The following DISP1 variants were observed in gnomAD, a reference collection of about 807,000 sequenced individuals.
DISP1 encodes the protein protein dispatched homolog 1.
A neutral mutation model predicts 37.3 loss-of-function variants in DISP1; 30 were observed. The ratio of observed to expected loss-of-function variants is 0.80; its 90% CI spans 0.60 to 1.09. The LOEUF (loss-of-function observed/expected upper bound fraction) is 1.09. Among genes scored for constraint, DISP1 ranks in the 50% least tolerant of loss-of-function variants. DISP1 has a pLI of 0.00. For synonymous variants in DISP1, 634 were observed against 690.2 expected, an observed-to-expected ratio of 0.92 and a Z score of 1.28; for missense variants, 1,598 against 1,879.5, an observed-to-expected ratio of 0.85 and a Z score of 2.77.
At chr1:222,849,287 C>T (rs1441578067) in intron 1 of DISP1, among the ~76,000 whole-genome samples, 2 of 152,144 alleles carry the variant, frequency 1.3e-5, no homozygotes, top group African/African-American at 2.4e-5. Context: ...AGAAACACAT[C>T]GTCAAGGGGC....
intron 4 of DISP1, chr1:222,989,453 G>C: frequency 4.1e-6 from 4 of 985,410 alleles, no homozygotes; most frequent in Non-Finnish European, 4.8e-6. Context: ...TCAAGACTTG[G>C]AAGTGCCAAA....
chr1:222,878,178 C>G (rs866353294), intron 1 of DISP1, among the ~76,000 whole-genome samples: 1 of 152,136 alleles, frequency 6.6e-6, no homozygotes, highest in African/African-American at 2.4e-5. Context: ...GGCATTGTTA[C>G]GGAGTCCTTG....
At chr1:222,885,952 T>C (rs980967117) in intron 1 of DISP1, among the ~76,000 whole-genome samples, 1 of 152,010 alleles carries the variant, frequency 6.6e-6, no homozygotes, top group Non-Finnish European at 1.5e-5. Flanking sequence ...ATGATAGAAT[T>C]AAATATAAAA....
At chr1:222,894,145 A>G (rs1015565728) in intron 1 of DISP1, among the ~76,000 whole-genome samples, 1 of 152,158 alleles carries the variant, frequency 6.6e-6, no homozygotes, top group African/African-American at 2.4e-5. Flanking sequence ...GGTTGGGCCC[A>G]GAAAAAGCTC....
intron 1 of DISP1, among the ~76,000 whole-genome samples, chr1:222,867,962 TA>T (rs1669290539): frequency 6.6e-6 from 1 of 152,292 alleles, no homozygotes; most frequent in South Asian, 2.1e-4. Context: ...AGGGGAATTT[TA>T]GCAGTGTCAG....
chr1:222,906,252 G>T (rs1671880895), intron 1 of DISP1, among the ~76,000 whole-genome samples: 1 of 152,136 alleles, frequency 6.6e-6, no homozygotes, highest in Non-Finnish European at 1.5e-5. Flanking sequence ...GACCAGGAAA[G>T]AAAATAAACA....
intron 1 of DISP1, among the ~76,000 whole-genome samples, chr1:222,881,095 G>C (rs1355723015): frequency 6.6e-6 from 1 of 152,094 alleles, no homozygotes; most frequent in Non-Finnish European, 1.5e-5. Flanking sequence ...TTTTAGAAAA[G>C]TGTTATATAT....
intron 1 of DISP1, chr1:222,827,164 G>A (rs149650811): frequency 6.6e-6 from 1 of 152,310 alleles, no homozygotes; most frequent in African/African-American, 2.4e-5. Flanking sequence ...TACCGGTAGA[G>A]ACAAACAGTT....
chr1:222,914,994 G>A (rs1297672862), intron 1 of DISP1, among the ~76,000 whole-genome samples: 4 of 151,984 alleles, frequency 2.6e-5, no homozygotes, highest in African/African-American at 9.6e-5. Flanking sequence ...AGGAAGGAAG[G>A]AAAGGGAAAA....
intron 3 of DISP1, among the ~76,000 whole-genome samples, chr1:222,955,075 T>C (rs548144150): frequency 6.7e-4 from 101 of 150,046 alleles, no homozygotes; most frequent in African/African-American, 2.4e-3. Context: ...TTCTGAATGC[T>C]GTGTAATCAT....
At chr1:222,886,010 A>T (rs765493083) in intron 1 of DISP1, among the ~76,000 whole-genome samples, 1 of 152,016 alleles carries the variant, frequency 6.6e-6, no homozygotes, top group Non-Finnish European at 1.5e-5. Flanking sequence ...TTTGAAAACT[A>T]CTTCATAGGG....
At chr1:222,837,125 A>G in intron 1 of DISP1, 1 of 398,400 alleles carries the variant, frequency 2.5e-6, no homozygotes, top group Middle Eastern at 6.3e-4. Flanking sequence ...AAAGGAAGAG[A>G]TGCGGGCAAC....
At chr1:222,978,181 G>A (rs34673329) in intron 3 of DISP1, among the ~76,000 whole-genome samples, 41,929 of 151,998 alleles carry the variant, frequency 0.28, 5,955 homozygotes, top group South Asian at 0.33. Flanking sequence ...TCTCCAGCAC[G>A]TGTTGTTTCC....
intron 1 of DISP1, among the ~76,000 whole-genome samples, chr1:222,865,321 A>T (rs1669122157): frequency 6.6e-6 from 1 of 152,144 alleles, no homozygotes; most frequent in African/African-American, 2.4e-5. Context: ...TATTATTAAG[A>T]CTTTTTCACA....
intron 1 of DISP1, among the ~76,000 whole-genome samples, chr1:222,887,119 T>G (rs1350740431): frequency 1.3e-5 from 2 of 152,242 alleles, no homozygotes; most frequent in African/African-American, 4.8e-5. Context: ...AGCTGAAGGT[T>G]CAGTTTCAGA....
At position 222,885,355 on chromosome 1, in the gene DISP1, C is replaced by T. The variant is rs191333277; in HGVS notation, c.-158-43075C>T. Among the ~76,000 whole-genome samples, 17 of 151,938 alleles carry T rather than the reference C, an allele frequency of 1.1e-4. No homozygotes were observed. The East Asian group carries it at 3.3e-3, about 29-fold the overall frequency. On this transcript the variant is annotated intron_variant, in intron 1 of 8. Coordinates refer to ENST00000675850, the MANE Select transcript of DISP1 (RefSeq NM_001377229.1). ...GTTCCTTTGAATTGGTTTTTGTGTC[C>T]GTTCCACATGTTTTTGAGCACTTCC...
At chr1:222,951,988 A>C (rs1279117904) in intron 3 of DISP1, among the ~76,000 whole-genome samples, 2 of 152,198 alleles carry the variant, frequency 1.3e-5, no homozygotes, top group African/African-American at 2.4e-5. Flanking sequence ...TTAATAGTAA[A>C]AGAGAACTAG....
chr1:222,915,490 C>T (rs1377627922), intron 1 of DISP1, among the ~76,000 whole-genome samples: 1 of 152,154 alleles, frequency 6.6e-6, no homozygotes, highest in African/African-American at 2.4e-5. Flanking sequence ...GACAATGTGA[C>T]TTGAAGATAT....
Position 222,936,709 on chromosome 1 carries a change from AT to A in DISP1, c.-17-6096del, listed in dbSNP as rs1558339425. Among the ~76,000 whole-genome samples, 107 of 99,766 alleles carry A rather than the reference AT, an allele frequency of 1.1e-3. 1 individual carries two copies. The highest frequency in any genetic ancestry group is 4.0e-3 in the African/African-American group (104 of 26,212). 65.5% of individuals were successfully genotyped at this position (99,766 alleles called of 152,430 possible). A position where few individuals can be genotyped will look rare whatever the true frequency, so the allele number is the denominator to read the frequency against. The stretch of plus-strand genomic sequence containing the variant: ...AAAATATATGATATATATCATATAT[AT>A]TATATATCATATATATGATATATAA... On this transcript the variant is annotated intron_variant, in intron 2 of 8. Transcript: ENST00000675850.
Sources: allele counts gnomAD v4.1 joint callset (sites outside exome capture counted in the v4.1 genomes callset), GRCh38; gene constraint gnomAD v4.1.1; transcripts MANE v1.5; gene names NCBI Gene and HGNC (gene_info 2026-07-23, HGNC 2026-07-21).